Variants in COPZ2 observed in about 807,000 individuals in gnomAD.
The protein encoded by COPZ2 is coat protein complex I subunit zeta 2, also known as coatomer subunit zeta-2.
In COPZ2, 30 loss-of-function variants were observed where a neutral mutation model predicts 33.2. The ratio of observed to expected loss-of-function variants is 0.90; its 90% confidence interval spans 0.68 to 1.23. The LOEUF is 1.23. Among genes scored for constraint, COPZ2 ranks in the 50% most tolerant of loss-of-function variants. The pLI is 0.00. For synonymous variants in COPZ2, 89 were observed against 102.6 expected (o/e 0.87, Z 0.80); for missense variants, 263 against 262.4 (o/e 1.00, Z -0.02).
intron 2 of COPZ2, among the ~76,000 whole-genome samples, chr17:48,035,844 C>T (rs2144312489): frequency 6.7e-6 from 1 of 149,340 alleles, no homozygotes; most frequent in East Asian, 2.0e-4. Flanking sequence ...ACCTCTGCCT[C>T]CCAGGTTCAA....
At chr17:48,044,063 C>T in the COPZ2 span, among the ~76,000 whole-genome samples, 1 of 152,054 alleles carries the variant, frequency 6.6e-6, no homozygotes. Flanking sequence ...AAAAGTCAAA[C>T]GGGCCGGGTG....
At chr17:48,030,297 C>G (rs2036875947) in intron 6 of COPZ2, among the ~76,000 whole-genome samples, 1 of 149,366 alleles carries the variant, frequency 6.7e-6, no homozygotes, top group Non-Finnish European at 1.5e-5. Context: ...AAAACACACA[C>G]ACACACACAC....
Position 48,037,284 on chromosome 17 carries a change from C to A in COPZ2, c.112-359G>T. ...CTCCTTCTTCCAGCTGATCCCTGGC[C>A]GGGCTGGACCTGCGCTATCAGCGCG... On this transcript the variant is annotated intron_variant, in intron 1 of 8. Coordinates refer to ENST00000621465, the MANE Select transcript of COPZ2 (RefSeq NM_016429.4). The surrounding 1 kb of genome is among the most constrained non-coding windows in gnomAD (Gnocchi z 5.6). 9 of 523,436 alleles carry A rather than the reference C, an allele frequency of 1.7e-5. No homozygotes were observed. Among genetic ancestry groups the A allele is most frequent in the Non-Finnish European group, 3.0e-5 (8 of 267,656 alleles). 32.4% of individuals were successfully genotyped at this position (523,436 alleles called of 1,614,324 possible). A position where few individuals can be genotyped will look rare whatever the true frequency, so the allele number is the denominator to read the frequency against.
At chr17:48,040,836 A>T (rs1214049779), upstream of COPZ2, among the ~76,000 whole-genome samples, 1 of 152,054 alleles carries the variant, frequency 6.6e-6, no homozygotes, top group Non-Finnish European at 1.5e-5. Context: ...AACTAATAAT[A>T]ATTAAAATGT....
upstream of COPZ2, among the ~76,000 whole-genome samples, chr17:48,041,788 A>G (rs377457839): frequency 6.0e-5 from 9 of 149,796 alleles, no homozygotes; most frequent in East Asian, 5.8e-4. Flanking sequence ...TGATGTCTTA[A>G]TATTTCTGTG....
the COPZ2 span, chr17:48,045,523 T>TG: frequency 1.9e-5 from 2 of 106,406 alleles, no homozygotes; most frequent in Admixed American, 2.1e-4. Flanking sequence ...ATTCCTGGGG[T>TG]GGGGGTGGGG....
Position 48,032,248 on chromosome 17 carries a change from A to G in COPZ2, c.417-15T>C. 1.2e-6 allele frequency: 2 copies of G among 1,608,378 alleles called. No individual in the cohort carries two copies. Among genetic ancestry groups the G allele is most frequent in the East Asian group, 2.2e-5 (1 of 44,704 alleles). On this transcript the variant is annotated splice_polypyrimidine_tract_variant and intron_variant, in intron 5 of 8. Coordinates refer to ENST00000621465, the MANE Select transcript of COPZ2 (RefSeq NM_016429.4). ...CCACGTTCTTCCTGAAGGTGGACAC[A>G]AGCTCCTGAGCCTCCCTGTGGCTGG...
At chr17:48,029,459 G>T in intron 6 of COPZ2, 1 of 490,442 alleles carries the variant, frequency 2.0e-6, no homozygotes, top group Non-Finnish European at 3.6e-6. Flanking sequence ...TGATCAGGTT[G>T]TCAAAAGCAG....
At chr17:48,044,164 T>C in the COPZ2 span, among the ~76,000 whole-genome samples, 1 of 152,114 alleles carries the variant, frequency 6.6e-6, no homozygotes, top group Non-Finnish European at 1.5e-5. Context: ...CTGGCCAACA[T>C]GGCAAAACCC....
At chr17:48,042,243 C>T (rs2037069459), upstream of COPZ2, among the ~76,000 whole-genome samples, 1 of 151,874 alleles carries the variant, frequency 6.6e-6, no homozygotes, top group Non-Finnish European at 1.5e-5. Flanking sequence ...AGGCGATTCT[C>T]CTGTCTCAGT....
chr17:48,037,548 G>A lies in COPZ2; in HGVS notation c.111+119C>T, dbSNP rs2037008143. ...TCCCGGGTCCTGGGGCCAGTCAGGGGTGACACAAAGTTCCCAGCCGCCGGG... is the reference window on the plus strand; with the variant it reads ...TCCCGGGTCCTGGGGCCAGTCAGGGATGACACAAAGTTCCCAGCCGCCGGG... On this transcript the variant is annotated intron_variant, in intron 1 of 8. Transcript: ENST00000621465. The surrounding 1 kb of genome is among the most constrained non-coding windows in gnomAD (Gnocchi z 5.6). 1.1e-6 allele frequency: 1 copy of A among 911,998 alleles called. No homozygotes were observed. Among genetic ancestry groups the A allele is most frequent in the Non-Finnish European group, 1.3e-6 (1 of 744,736 alleles). 56.5% of individuals were successfully genotyped at this position (911,998 alleles called of 1,614,324 possible).
At chr17:48,039,734 TTTTG>T (rs529702092), upstream of COPZ2, among the ~76,000 whole-genome samples, 162 of 152,218 alleles carry the variant, frequency 1.1e-3, 1 homozygote, top group African/African-American at 2.7e-3. Flanking sequence ...GAATGTGACT[TTTTG>T]TTTGTTTGTT....
chr17:48,029,135 A>T lies in COPZ2; in HGVS notation c.536T>A (p.Val179Glu). 1 of 1,577,820 alleles carries T rather than the reference A, an allele frequency of 6.3e-7. No homozygotes were observed. The highest frequency in any genetic ancestry group is 8.6e-7 in the Non-Finnish European group (1 of 1,161,640). Residue 179 changes from valine (V) to glutamate (E), a missense_variant, in exon 7 of 9, where the codon GTG (valine) becomes GAG (glutamate). Coordinates refer to ENST00000621465, the MANE Select transcript of COPZ2 (RefSeq NM_016429.4). The stretch of plus-strand genomic sequence containing the variant: ...CAGGAAGACTCTTACCCTAAAATTC[A>T]CCTTCTGGATCACTTGCTGGGGGTC... ...ESDPQQVIQK[V>E]NFRADDGGLT...
upstream of COPZ2, among the ~76,000 whole-genome samples, chr17:48,042,886 G>A (rs1236643817): frequency 6.6e-6 from 1 of 152,188 alleles, no homozygotes; most frequent in Non-Finnish European, 1.5e-5. Context: ...AGAGACCCCA[G>A]AACTTCTTTC....
chr17:48,039,281 G>A (rs72823533), upstream of COPZ2, among the ~76,000 whole-genome samples: 1 of 151,816 alleles, frequency 6.6e-6, no homozygotes, highest in African/African-American at 2.4e-5. Flanking sequence ...GACCAGCCTG[G>A]GCAACATGGT....
rs2036905558 is a variant in COPZ2, at chr17:48,032,245, C to CACAA, written c.417-16_417-13dup. The CACAA allele has an allele frequency of 1.2e-6, 2 of 1,609,518 alleles. No homozygotes were observed. Among genetic ancestry groups the CACAA allele is most frequent in the Non-Finnish European group, 1.7e-6 (2 of 1,177,868 alleles). On this transcript the variant is annotated splice_polypyrimidine_tract_variant and intron_variant, in intron 5 of 8. Coordinates refer to ENST00000621465, the MANE Select transcript of COPZ2 (RefSeq NM_016429.4). ...TCTCCACGTTCTTCCTGAAGGTGGA[C>CACAA]ACAAGCTCCTGAGCCTCCCTGTGGC...
intron 7 of COPZ2, 123 bp downstream of exon 7, chr17:48,029,002 C>T: frequency 1.2e-6 from 1 of 824,600 alleles, no homozygotes; most frequent in South Asian, 1.7e-5. Flanking sequence ...ACAAGTGTGT[C>T]AGCCCAGTGG....
rs1390901215 is a variant in COPZ2 at position 48,033,844 on chromosome 17, G to C, written c.268+19C>G. On this transcript the variant is annotated intron_variant, in intron 3 of 8. Transcript: ENST00000621465. ...AGTGTGCATCTGATAGTCTGCTGGA[G>C]GAAGAGGGGGACACTTACTCTCAGT... is the stretch of plus-strand genomic sequence containing the variant. 6 of 1,576,626 alleles carry C rather than the reference G, an allele frequency of 3.8e-6. No individual in the cohort carries two copies. Among genetic ancestry groups the C allele is most frequent in the South Asian group, 2.3e-5 (2 of 87,752 alleles).
rs944541057 is a variant in COPZ2, at chr17:48,037,036, C to T, written c.112-111G>A. ...TCCTCAGGCCCCAGCAACCCCAGTC[C>T]TCAAGGTCCACAGCTGGTTCTGCCC... On this transcript the variant is annotated intron_variant, in intron 1 of 8. Coordinates refer to ENST00000621465, the MANE Select transcript of COPZ2 (RefSeq NM_016429.4). This position sits in a 1 kb window ranked among gnomAD's most constrained non-coding sequence, Gnocchi z 5.6. 1 of 968,556 alleles carries T rather than the reference C, an allele frequency of 1.0e-6. No homozygotes were observed. Among genetic ancestry groups the T allele is most frequent in the South Asian group, 1.3e-5 (1 of 74,762 alleles). 60.0% of individuals were successfully genotyped at this position (968,556 alleles called of 1,614,324 possible).
Sources: gnomAD v4.1 joint callset for allele counts (sites outside exome capture counted in the v4.1 genomes callset) on GRCh38, gnomAD v4.1.1 for gene constraint, Gnocchi (gnomAD v3.1) non-coding constraint, MANE v1.5 for transcripts, NCBI Gene and HGNC (gene_info 2026-07-23, HGNC 2026-07-21) for gene names.